Variants in KLHL29 observed in about 807,000 individuals in gnomAD.
KLHL29 encodes the protein kelch like family member 29, also known as kelch-like protein 29.
A neutral mutation model predicts 80.4 loss-of-function variants in KLHL29; 21 were observed. The ratio of observed to expected loss-of-function variants is 0.26; its 90% CI spans 0.19 to 0.38. The LOEUF (loss-of-function observed/expected upper bound fraction) is 0.38, where lower values mean the gene tolerates loss of function less well. Among genes scored for constraint, KLHL29 ranks in the 10% least tolerant of loss-of-function variants. The pLI is 1.00. For missense variants in KLHL29, 867 were observed against 1,223.9 expected (o/e 0.71, Z 4.35); for synonymous variants, 511 against 526.8 (o/e 0.97, Z 0.41).
At chr2:23,568,215 C>T (rs1287637606) in intron 3 of KLHL29, among the ~76,000 whole-genome samples, 1 of 152,140 alleles carries the variant, frequency 6.6e-6, no homozygotes, top group African/African-American at 2.4e-5. Context: ...AGTCCATACA[C>T]GGATTCCAAA....
rs767749223 is a variant in KLHL29, at chr2:23,703,177, C to T, written c.2106-9C>T. 2 of 1,421,274 alleles carry T rather than the reference C, an allele frequency of 1.4e-6. No homozygotes were observed. Among genetic ancestry groups the T allele is most frequent in the Non-Finnish European group, 9.2e-7 (1 of 1,081,954 alleles). The allele number at this position is 1,421,274 out of a possible 1,614,324, so 88.0% of individuals were successfully genotyped here. On this transcript the variant is annotated splice_polypyrimidine_tract_variant and intron_variant, in intron 11 of 13. Coordinates refer to ENST00000486442, the MANE Select transcript of KLHL29 (RefSeq NM_052920.2). ...CTTGACCCTGGGCTCTTTTTCTCCT[C>T]TCCTGCAGGTACGACACCATCACCA...
At chr2:23,606,593 T>C (rs984672050) in intron 3 of KLHL29, among the ~76,000 whole-genome samples, 1 of 152,214 alleles carries the variant, frequency 6.6e-6, no homozygotes, top group Non-Finnish European at 1.5e-5. Context: ...CAATTAGCAG[T>C]TTTAATCTCC....
At position 23,647,599 on chromosome 2, in the gene KLHL29, C is replaced by G. The variant is rs1351437627; in HGVS notation, c.940+4749C>G. 1.3e-5 allele frequency among the ~76,000 whole-genome samples: 2 copies of G among 152,186 alleles called. No homozygotes were observed. The highest frequency in any genetic ancestry group is 1.5e-5 in the Non-Finnish European group (1 of 68,034). ...CACCTCTGGCCTGCACACTGGCCTCCCAGCCCACAGTGCATTCCTTCCAGT... is the reference window on the plus strand; with the variant it reads ...CACCTCTGGCCTGCACACTGGCCTCGCAGCCCACAGTGCATTCCTTCCAGT... On this transcript the variant is annotated intron_variant, in intron 5 of 13. Transcript: ENST00000486442. This position sits in a 1 kb window ranked among gnomAD's most constrained non-coding sequence, Gnocchi z 4.9.
At chr2:23,629,142 TGATTGAAGGGGGATGAAAGGCCCGGCC>T (rs1669405689) in intron 3 of KLHL29, among the ~76,000 whole-genome samples, 1 of 152,170 alleles carries the variant, frequency 6.6e-6, no homozygotes, top group South Asian at 2.1e-4. Context: ...CGGTGCGGAC[TGATTGAAGGGGGATGAAAGGCCCGGCC>T]CCGCTCTGTG....
chr2:23,551,580 TGTCTTTTTAGA>T (rs1667131150), intron 2 of KLHL29, among the ~76,000 whole-genome samples: 2 of 152,240 alleles, frequency 1.3e-5, no homozygotes, highest in South Asian at 4.1e-4. Flanking sequence ...TTTGAACATT[TGTCTTTTTAGA>T]TCATGTATTA....
intron 3 of KLHL29, among the ~76,000 whole-genome samples, chr2:23,576,430 A>G (rs1244758636): frequency 6.6e-6 from 1 of 152,218 alleles, no homozygotes. Context: ...TGGGAATTCA[A>G]TAGTGGCAAC....
chr2:23,642,102 A>C (rs1006537833), intron 4 of KLHL29, among the ~76,000 whole-genome samples: 1 of 151,908 alleles, frequency 6.6e-6, no homozygotes, highest in Admixed American at 6.6e-5. Context: ...GCTGCCTCTC[A>C]CCTCTCCCAG....
Position 23,385,256 on chromosome 2 carries a change from C to CCGCCGT in KLHL29, c.-676_-671dup, listed in dbSNP as rs1337451414. ...GGCCGCGCCAGCCCCCGCGCCGCCGCCGCCGTCCCCGCCACCGCGGATCTC... is the reference window on the plus strand; with the variant it reads ...GGCCGCGCCAGCCCCCGCGCCGCCGCCGCCGTCGCCGTCCCCGCCACCGCGGATCTC... On this transcript the variant is annotated 5_prime_UTR_variant, in exon 1 of 14. Coordinates refer to ENST00000486442, the MANE Select transcript of KLHL29 (RefSeq NM_052920.2). 2.7e-5 allele frequency: 4 copies of CCGCCGT among 146,178 alleles called. No homozygotes were observed. Among genetic ancestry groups the CCGCCGT allele is most frequent in the East Asian group, 2.0e-4 (1 of 5,058 alleles). 9.1% of individuals were successfully genotyped at this position (146,178 alleles called of 1,614,324 possible).
chr2:23,612,719 G>T (rs534024006), intron 3 of KLHL29, among the ~76,000 whole-genome samples: 4 of 152,272 alleles, frequency 2.6e-5, no homozygotes, highest in African/African-American at 9.6e-5. Context: ...TCCAGCCTGG[G>T]CAACAGAGCG....
intron 1 of KLHL29, among the ~76,000 whole-genome samples, chr2:23,430,416 A>G (rs996277432): frequency 2.0e-5 from 3 of 152,276 alleles, no homozygotes; most frequent in Admixed American, 6.5e-5. Context: ...TACAGTGACT[A>G]CATGAGATGA....
At chr2:23,648,800 T>C (rs1670008423) in intron 5 of KLHL29, among the ~76,000 whole-genome samples, 1 of 152,332 alleles carries the variant, frequency 6.6e-6, no homozygotes, top group East Asian at 1.9e-4. Flanking sequence ...GGATGTGGCT[T>C]GCAGCATGGA....
At chr2:23,592,102 A>C (rs898280579) in intron 3 of KLHL29, among the ~76,000 whole-genome samples, 6 of 152,246 alleles carry the variant, frequency 3.9e-5, no homozygotes. Flanking sequence ...AGCGGGCTGC[A>C]CCCACTCACT....
intron 1 of KLHL29, among the ~76,000 whole-genome samples, chr2:23,414,454 G>C (rs1340717579): frequency 6.6e-6 from 1 of 152,258 alleles, no homozygotes; most frequent in Non-Finnish European, 1.5e-5. Context: ...GTGAGTAGGA[G>C]AGACCCCCAG....
intron 4 of KLHL29, among the ~76,000 whole-genome samples, chr2:23,640,007 A>G (rs1409304462): frequency 1.3e-5 from 2 of 152,122 alleles, no homozygotes; most frequent in African/African-American, 4.8e-5. Flanking sequence ...TGCCCGGCAC[A>G]TGCTTCCTTC....
In KLHL29 at chr2:23,703,267, C is replaced by T. The variant is rs958446739; in HGVS notation, c.2187C>T (p.Gly729=). 9.7e-6 allele frequency: 15 copies of T among 1,548,026 alleles called. No homozygotes were observed. Among genetic ancestry groups the T allele is most frequent in the East Asian group, 2.5e-5 (1 of 40,766 alleles). ...ACTCTGCTGCAGCCACAGTGTGTGG[C>T]GGCAAGATCTACGTGTTTGGTGGGG... The part of the protein sequence containing the change: ...AVHSAAATVC[G]GKIYVFGGVN... Residue 729 remains glycine, a synonymous_variant, in exon 12 of 14, where the codon GGC becomes GGT. Coordinates refer to ENST00000486442, the MANE Select transcript of KLHL29 (RefSeq NM_052920.2).
chr2:23,682,253 A>G lies in KLHL29; in HGVS notation c.941-2146A>G, dbSNP rs536429665. On this transcript the variant is annotated intron_variant, in intron 5 of 13. Transcript: ENST00000486442. The surrounding 1 kb of genome is among the most constrained non-coding windows in gnomAD (Gnocchi z 4.1). Reference sequence around the variant, plus strand: ...ACCATCAGCAGCACTGCACACTCCCACCCGCTGAGCGCTCCCTGTGTGCCC... The same window carrying G: ...ACCATCAGCAGCACTGCACACTCCCGCCCGCTGAGCGCTCCCTGTGTGCCC... Among the ~76,000 whole-genome samples, 1 of 151,680 alleles carries G rather than the reference A, an allele frequency of 6.6e-6. No homozygotes were observed. Among genetic ancestry groups the G allele is most frequent in the Admixed American group, 6.6e-5 (1 of 15,242 alleles).
chr2:23,549,029 G>A (rs1040538186), intron 2 of KLHL29, among the ~76,000 whole-genome samples: 2 of 152,212 alleles, frequency 1.3e-5, no homozygotes, highest in African/African-American at 2.4e-5. Flanking sequence ...AAGGTGGGTA[G>A]GGGGATGTCT....
At position 23,537,481 on chromosome 2, in the gene KLHL29, T is replaced by A. The variant is rs531819844; in HGVS notation, c.-45-24671T>A. On this transcript the variant is annotated intron_variant, in intron 2 of 13. Transcript: ENST00000486442. Reference sequence around the variant, plus strand: ...ACACACACACAGGCACGCACACGCTTCTCCAGCAGATCGGGAGGAGGCATC... The same window carrying A: ...ACACACACACAGGCACGCACACGCTACTCCAGCAGATCGGGAGGAGGCATC... 2.1e-5 allele frequency among the ~76,000 whole-genome samples: 3 copies of A among 140,068 alleles called. No homozygotes were observed. The South Asian group carries it at 6.9e-4, about 32-fold the overall frequency. 91.9% of individuals were successfully genotyped at this position (140,068 alleles called of 152,430 possible). A position where few individuals can be genotyped will look rare whatever the true frequency, so the allele number is the denominator to read the frequency against.
chr2:23,644,164 A>G (rs1572461710), intron 5 of KLHL29: 1 of 152,350 alleles, frequency 6.6e-6, no homozygotes, highest in South Asian at 2.1e-4. Flanking sequence ...ACAAAATTGT[A>G]GAAAATTACA....
Sources: allele counts gnomAD v4.1 joint callset (sites outside exome capture counted in the v4.1 genomes callset), GRCh38; gene constraint gnomAD v4.1.1; non-coding constraint Gnocchi (gnomAD v3.1); transcripts MANE v1.5; gene names NCBI Gene and HGNC (gene_info 2026-07-23, HGNC 2026-07-21).